Variants in PTPRD observed in about 807,000 individuals in gnomAD.
PTPRD encodes the protein protein tyrosine phosphatase receptor type D, also known as receptor-type tyrosine-protein phosphatase delta.
PTPRD carries 34 observed loss-of-function variants against 214.5 expected under a neutral mutation model. The ratio of observed to expected loss-of-function variants is 0.16; its 90% CI spans 0.12 to 0.21. The LOEUF is 0.21. Ranked by LOEUF, PTPRD falls within the 10% of genes least tolerant of loss-of-function variation. The pLI is 1.00. For synonymous variants in PTPRD, 1,128 were observed against 845.7 expected, an observed-to-expected ratio of 1.33 and a Z score of -5.79; for missense variants, 2,545 against 2,398.7, an observed-to-expected ratio of 1.06 and a Z score of -1.27.
chr9:10,538,849 T>C (rs1566817024), intron 2 of PTPRD, among the ~76,000 whole-genome samples: 1 of 152,176 alleles, frequency 6.6e-6, no homozygotes, highest in African/African-American at 2.4e-5. Flanking sequence ...TGAATCTTGA[T>C]ATATAGTATC....
chr9:8,841,716 A>AAC (rs386414407), intron 11 of PTPRD, among the ~76,000 whole-genome samples: 235 of 151,592 alleles, frequency 1.6e-3, no homozygotes, highest in Admixed American at 3.3e-3. Flanking sequence ...GTGACTTAAA[A>AAC]AAAAAATGAC....
At chr9:9,142,331 G>C (rs2099861923) in intron 10 of PTPRD, among the ~76,000 whole-genome samples, 1 of 152,232 alleles carries the variant, frequency 6.6e-6, no homozygotes, top group African/African-American at 2.4e-5. Context: ...GTGGGTCAAT[G>C]AGCAGTGAGT....
chr9:9,805,101 A>G (rs1364388009), intron 5 of PTPRD, among the ~76,000 whole-genome samples: 1 of 152,088 alleles, frequency 6.6e-6, no homozygotes, highest in Non-Finnish European at 1.5e-5. Context: ...TAAATACCAT[A>G]GTAGCTTGGA....
chr9:10,282,461 T>C (rs2095168611), intron 3 of PTPRD, among the ~76,000 whole-genome samples: 1 of 152,104 alleles, frequency 6.6e-6, no homozygotes, highest in Non-Finnish European at 1.5e-5. Context: ...AATGTCGAGG[T>C]TGAGTTAGAT....
chr9:9,437,569 G>A (rs2085821781), intron 8 of PTPRD, among the ~76,000 whole-genome samples: 1 of 152,060 alleles, frequency 6.6e-6, no homozygotes. Flanking sequence ...TCCTGCTTGA[G>A]GGTTCTTCCA....
intron 5 of PTPRD, among the ~76,000 whole-genome samples, chr9:9,900,519 C>G (rs1034885037): frequency 1.3e-5 from 2 of 152,116 alleles, no homozygotes; most frequent in African/African-American, 4.8e-5. Context: ...GCATTTTGGT[C>G]ACAAGCGCAA....
Position 9,931,366 on chromosome 9 carries a change from C to G in PTPRD, c.-368+7141G>C, listed in dbSNP as rs145916503. ...GACAGTGGGCGCAGGTCAGTGGGTG[C>G]GTGCACCGTGCGTGAGCCGAAGCAG... On this transcript the variant is annotated intron_variant, in intron 5 of 45. Coordinates refer to ENST00000381196, the MANE Select transcript of PTPRD (RefSeq NM_002839.4). Among the ~76,000 whole-genome samples, 1,170 of 152,200 alleles carry G rather than the reference C, an allele frequency of 7.7e-3. 15 individuals carry two copies. Among genetic ancestry groups the G allele is most frequent in the African/African-American group, 0.027 (1,111 of 41,536 alleles).
chr9:10,306,065 A>T (rs2096057464), intron 3 of PTPRD, among the ~76,000 whole-genome samples: 2 of 152,156 alleles, frequency 1.3e-5, no homozygotes, highest in South Asian at 4.1e-4. Flanking sequence ...AATGTGGCAC[A>T]TATACACCAG....
intron 12 of PTPRD, among the ~76,000 whole-genome samples, chr9:8,708,704 A>AAAAAAAAAC (rs748191308): frequency 8.1e-6 from 1 of 123,670 alleles, no homozygotes; most frequent in Non-Finnish European, 1.7e-5. Context: ...AAAAAAAAAA[A>AAAAAAAAAC]CAGAGCTACC....
intron 5 of PTPRD, among the ~76,000 whole-genome samples, chr9:9,917,480 C>T (rs1372236672): frequency 1.4e-5 from 2 of 142,784 alleles, no homozygotes; most frequent in African/African-American, 5.1e-5. Context: ...AAATCCAGGA[C>T]CAGATGTCTT....
At chr9:10,147,264 C>CT (rs111470973) in intron 3 of PTPRD, among the ~76,000 whole-genome samples, 34,031 of 151,048 alleles carry the variant, frequency 0.23, 4,329 homozygotes, top group African/African-American at 0.35. Flanking sequence ...ACATATAGTT[C>CT]TTTTTTTTTA....
intron 5 of PTPRD, among the ~76,000 whole-genome samples, chr9:9,787,084 C>G (rs1279194148): frequency 6.6e-6 from 1 of 151,862 alleles, no homozygotes; most frequent in Non-Finnish European, 1.5e-5. Flanking sequence ...TTGCAGTGAT[C>G]TGAGATCGCA....
chr9:10,218,457 A>T (rs2099551568), intron 3 of PTPRD, among the ~76,000 whole-genome samples: 1 of 151,920 alleles, frequency 6.6e-6, no homozygotes, highest in Admixed American at 6.6e-5. Flanking sequence ...TGTCACTTCA[A>T]AATTTTTAGC....
intron 2 of PTPRD, among the ~76,000 whole-genome samples, chr9:10,551,479 G>A (rs150120220): frequency 6.6e-6 from 1 of 152,262 alleles, no homozygotes; most frequent in East Asian, 1.9e-4. Flanking sequence ...AGGGAGTAGA[G>A]ACTTTTAAGA....
At chr9:9,265,599 G>C (rs564790666) in intron 9 of PTPRD, among the ~76,000 whole-genome samples, 3 of 151,548 alleles carry the variant, frequency 2.0e-5, no homozygotes, top group Non-Finnish European at 3.0e-5. Context: ...CTAGGGAGAT[G>C]AAAATGTAGA....
At chr9:9,437,443 A>C (rs1296530646) in intron 8 of PTPRD, among the ~76,000 whole-genome samples, 1 of 39,226 alleles carries the variant, frequency 2.5e-5, no homozygotes, top group African/African-American at 1.3e-4. Flanking sequence ...GAGGTGTATC[A>C]GGTTTTTTTA....
At chr9:9,867,973 T>C (rs2064412124) in intron 5 of PTPRD, among the ~76,000 whole-genome samples, 1 of 152,150 alleles carries the variant, frequency 6.6e-6, no homozygotes, top group Admixed American at 6.5e-5. Context: ...GCACATGAGC[T>C]GAATAGCTAG....
chr9:8,510,115 C>G (rs1563949020), intron 21 of PTPRD, among the ~76,000 whole-genome samples: 1 of 151,958 alleles, frequency 6.6e-6, no homozygotes, highest in Non-Finnish European at 1.5e-5. Flanking sequence ...AAAACCCTGT[C>G]TCTACAAAAT....
At chr9:9,455,814 A>G (rs756545990) in intron 8 of PTPRD, among the ~76,000 whole-genome samples, 1 of 151,862 alleles carries the variant, frequency 6.6e-6, no homozygotes, top group Non-Finnish European at 1.5e-5. Flanking sequence ...AGTTTTTCAT[A>G]AAGTTCAAAC....
Sources: allele counts gnomAD v4.1 joint callset (sites outside exome capture counted in the v4.1 genomes callset), GRCh38; gene constraint gnomAD v4.1.1; transcripts MANE v1.5; gene names NCBI Gene and HGNC (gene_info 2026-07-23, HGNC 2026-07-21).